MYCBP2: variants seen among roughly 807,000 people sequenced by gnomAD.
The protein encoded by MYCBP2 is MYC binding protein 2.
Under a neutral mutation model 525.3 loss-of-function variants are expected in MYCBP2, and 120 were observed. The observed-to-expected ratio is 0.23, with a 90% CI of 0.20 to 0.27. The LOEUF (loss-of-function observed/expected upper bound fraction) is 0.27, where lower values mean the gene tolerates loss of function less well. MYCBP2 is among the 10% of genes least tolerant of loss of function. The pLI, the probability that MYCBP2 is intolerant of heterozygous loss-of-function variation, is 1.00. For synonymous variants in MYCBP2, 1,894 were observed against 1,955.8 expected (o/e 0.97, Z 0.83); for missense variants, 4,149 against 5,657.1 (o/e 0.73, Z 8.55).
At chr13:77,132,040 A>G (rs2052964470) in intron 52 of MYCBP2, among the ~76,000 whole-genome samples, 2 of 152,202 alleles carry the variant, frequency 1.3e-5, no homozygotes, top group African/African-American at 2.4e-5. Flanking sequence ...AAAATTAAGA[A>G]TAGCGTATAT....
chr13:77,284,255 C>T (rs1383570126), intron 3 of MYCBP2, among the ~76,000 whole-genome samples: 2 of 149,568 alleles, frequency 1.3e-5, no homozygotes, highest in Admixed American at 6.7e-5. Flanking sequence ...AAAAAGAGTA[C>T]AAGAAACAGA....
intron 58 of MYCBP2, 133 bp downstream of exon 58, chr13:77,095,225 A>G: frequency 9.1e-7 from 1 of 1,093,994 alleles, no homozygotes; most frequent in South Asian, 1.6e-5. Flanking sequence ...CTCAAAAAAT[A>G]AATGCCTGGA....
intron 14 of MYCBP2, 99 bp downstream of exon 14, chr13:77,257,572 G>C: frequency 8.4e-7 from 1 of 1,190,506 alleles, no homozygotes; most frequent in South Asian, 2.3e-5. Flanking sequence ...AAAAAGAAGA[G>C]CCACTCATTT....
At chr13:77,262,241 G>A in intron 10 of MYCBP2, 112 bp from the exon 11 acceptor site, 1 of 842,458 alleles carries the variant, frequency 1.2e-6, no homozygotes, top group Non-Finnish European at 1.8e-6. Context: ...TAAAAAACAA[G>A]GATGACAAAA....
chr13:77,088,253 C>T (rs1462002945), intron 61 of MYCBP2, among the ~76,000 whole-genome samples: 3 of 152,030 alleles, frequency 2.0e-5, no homozygotes, highest in Admixed American at 2.0e-4. Flanking sequence ...TTAATTTATT[C>T]AAGCACATTT....
chr13:77,065,280 G>A (rs1304125004), intron 72 of MYCBP2, among the ~76,000 whole-genome samples: 4 of 152,146 alleles, frequency 2.6e-5, no homozygotes, highest in Non-Finnish European at 5.9e-5. Context: ...TGCCACAGAG[G>A]TTGAGAAAAT....
chr13:77,116,122 AGAGACAGTATCTCAAAT>A (rs1432224471), intron 55 of MYCBP2, among the ~76,000 whole-genome samples: 1 of 151,952 alleles, frequency 6.6e-6, no homozygotes, highest in Non-Finnish European at 1.5e-5. Context: ...AACAGACATA[AGAGACAGTATCTCAAAT>A]GAGGCTGTAT....
At chr13:77,111,478 G>A (rs1005541958) in intron 55 of MYCBP2, among the ~76,000 whole-genome samples, 32 of 140,816 alleles carry the variant, frequency 2.3e-4, no homozygotes, top group Non-Finnish European at 1.2e-4. Context: ...TGCTCTTTTC[G>A]CCCAGGCTGC....
chr13:77,128,931 C>T (rs1031687158), intron 52 of MYCBP2, among the ~76,000 whole-genome samples: 2 of 151,932 alleles, frequency 1.3e-5, no homozygotes, highest in African/African-American at 4.8e-5. Flanking sequence ...AAAAGCTACT[C>T]ATAAAACTAA....
chr13:77,198,435 T>A lies in MYCBP2; in HGVS notation c.3844-4191A>T, dbSNP rs547831208. Among the ~76,000 whole-genome samples the A allele has an allele frequency of 4.6e-5, 7 of 152,366 alleles. No homozygotes were observed. In the South Asian group the frequency reaches 1.4e-3, roughly 32 times the overall value. ...ATGAAGAAGAGTGTTAACATATTGATATCATTTTTAGATATTATTGAGAGA... is the reference window on the plus strand; with the variant it reads ...ATGAAGAAGAGTGTTAACATATTGAAATCATTTTTAGATATTATTGAGAGA... On this transcript the variant is annotated intron_variant, in intron 26 of 82. Coordinates refer to ENST00000544440, the MANE Select transcript of MYCBP2 (RefSeq NM_015057.5).
chr13:77,271,451 A>C (rs2074882244), intron 5 of MYCBP2, among the ~76,000 whole-genome samples: 1 of 152,198 alleles, frequency 6.6e-6, no homozygotes, highest in Admixed American at 6.5e-5. Context: ...TTTGGGTGCC[A>C]AAACAAATCT....
intron 78 of MYCBP2, among the ~76,000 whole-genome samples, chr13:77,057,528 T>C (rs977585912): frequency 2.0e-5 from 3 of 152,220 alleles, no homozygotes; most frequent in Non-Finnish European, 4.4e-5. Flanking sequence ...AACTTGTGTA[T>C]GTATAGAAGT....
intron 55 of MYCBP2, among the ~76,000 whole-genome samples, chr13:77,108,705 A>AT (rs756968110): frequency 0.019 from 2,737 of 142,502 alleles, 66 homozygotes; most frequent in African/African-American, 0.057. Context: ...AAGATACTTT[A>AT]TTTTTTTTTT....
intron 17 of MYCBP2, among the ~76,000 whole-genome samples, chr13:77,236,820 C>G (rs923049764): frequency 6.6e-6 from 1 of 151,948 alleles, no homozygotes; most frequent in African/African-American, 2.4e-5. Flanking sequence ...GTCACTTGGG[C>G]CCAGTTGTTC....
chr13:77,326,604 C>A lies in MYCBP2; in HGVS notation c.172G>T (p.Ala58Ser). ...AGCTGGTAGTGACCCCGGGAGTCCGCGGCGGGTAGCCCCAGCCCCAGCCCC... is the reference window on the plus strand; with the variant it reads ...AGCTGGTAGTGACCCCGGGAGTCCGAGGCGGGTAGCCCCAGCCCCAGCCCC... ...AAGLGLGLPAADSRGHYQLLL... is the reference protein window; with the variant it reads ...AAGLGLGLPASDSRGHYQLLL... Residue 58 changes from alanine to serine, a missense_variant, in exon 1 of 83, where the codon GCG (alanine) becomes TCG (serine). Coordinates refer to ENST00000544440, the MANE Select transcript of MYCBP2 (RefSeq NM_015057.5). This position sits in a 1 kb window ranked among gnomAD's most constrained non-coding sequence, Gnocchi z 4.2. 1 of 1,581,456 alleles carries A rather than the reference C, an allele frequency of 6.3e-7. No individual in the cohort carries two copies. Among genetic ancestry groups the A allele is most frequent in the Non-Finnish European group, 8.6e-7 (1 of 1,166,200 alleles).
chr13:77,149,524 T>A (rs765158873), intron 47 of MYCBP2, among the ~76,000 whole-genome samples: 3 of 152,182 alleles, frequency 2.0e-5, no homozygotes, highest in Non-Finnish European at 4.4e-5. Context: ...TCTATTCCCA[T>A]GACTTCATAA....
At chr13:77,309,137 C>A (rs2079830525) in intron 1 of MYCBP2, among the ~76,000 whole-genome samples, 1 of 152,198 alleles carries the variant, frequency 6.6e-6, no homozygotes, top group African/African-American at 2.4e-5. Flanking sequence ...GCCCTTTAAA[C>A]ATTATTAAAC....
At chr13:77,087,966 G>C (rs1199303843) in intron 61 of MYCBP2, among the ~76,000 whole-genome samples, 2 of 150,982 alleles carry the variant, frequency 1.3e-5, no homozygotes, top group African/African-American at 4.9e-5. Flanking sequence ...CTTTTTTTTT[G>C]TAGAAATGAG....
intron 23 of MYCBP2, among the ~76,000 whole-genome samples, chr13:77,210,083 G>C (rs1305774205): frequency 6.6e-6 from 1 of 152,192 alleles, no homozygotes; most frequent in Non-Finnish European, 1.5e-5. Flanking sequence ...GCTCAGCCCT[G>C]TGATGAGCCA....
Sources: gnomAD v4.1 joint callset for allele counts (sites outside exome capture counted in the v4.1 genomes callset) on GRCh38, gnomAD v4.1.1 for gene constraint, Gnocchi (gnomAD v3.1) non-coding constraint, MANE v1.5 for transcripts, NCBI Gene and HGNC (gene_info 2026-07-23, HGNC 2026-07-21) for gene names.